SWT1: variants seen among roughly 807,000 people sequenced by gnomAD.
The protein encoded by SWT1 is SWT1 RNA endoribonuclease homolog.
In SWT1, 33 loss-of-function variants were observed where a neutral mutation model predicts 107.3. The observed-to-expected ratio is 0.31, with a 90% confidence interval of 0.23 to 0.41. SWT1 has a LOEUF of 0.41. Ranked by LOEUF, SWT1 falls within the 10% of genes least tolerant of loss-of-function variation. The probability of loss-of-function intolerance (pLI) is 1.00; values close to 1 mark genes in which losing one functional copy is unlikely to be tolerated. For synonymous variants in SWT1, 345 were observed against 348.3 expected (o/e 0.99, Z 0.11); for missense variants, 898 against 1,028.9 (o/e 0.87, Z 1.74).
intron 9 of SWT1, among the ~76,000 whole-genome samples, chr1:185,185,538 A>G (rs1183230584): frequency 1.3e-5 from 2 of 152,146 alleles, no homozygotes; most frequent in Non-Finnish European, 2.9e-5. Flanking sequence ...ATACATATAT[A>G]TTTAGAAGAT....
At chr1:185,163,366 T>TAAGAAGCA (rs555244503) in intron 2 of SWT1, among the ~76,000 whole-genome samples, 76 of 151,428 alleles carry the variant, frequency 5.0e-4, no homozygotes, top group African/African-American at 1.8e-3. Context: ...TGCTCATTTA[T>TAAGAAGCA]AAGAAGCAAC....
At chr1:185,286,581 T>G (rs1215270382) in intron 18 of SWT1, among the ~76,000 whole-genome samples, 1 of 152,174 alleles carries the variant, frequency 6.6e-6, no homozygotes, top group African/African-American at 2.4e-5. Flanking sequence ...TTATTATTTT[T>G]GATGCTATCA....
chr1:185,285,714 G>C lies in SWT1; in HGVS notation c.2574-4960G>C, dbSNP rs555519184. Among the ~76,000 whole-genome samples the C allele has an allele frequency of 2.3e-3, 344 of 152,234 alleles. 2 individuals are homozygous for C. The highest frequency in any genetic ancestry group is 8.0e-3 in the African/African-American group (333 of 41,534). On this transcript the variant is annotated intron_variant, in intron 18 of 18. Transcript: ENST00000367500. ...CCATTTTGAGTTAATTTTTGTATAT[G>C]ATGTAAGGTAAGGGGTCCAGCTTCA...
At chr1:185,178,991 G>A (rs924855961) in intron 5 of SWT1, among the ~76,000 whole-genome samples, 5 of 152,076 alleles carry the variant, frequency 3.3e-5, no homozygotes, top group Admixed American at 2.6e-4. Context: ...GAGTGTTTGT[G>A]TGGGCGCAGT....
intron 10 of SWT1, among the ~76,000 whole-genome samples, chr1:185,196,987 A>G (rs946681236): frequency 9.9e-5 from 15 of 152,064 alleles, no homozygotes; most frequent in Non-Finnish European, 2.2e-4. Context: ...TTCCCGTACT[A>G]TGTTGAATAG....
At chr1:185,206,912 A>G in intron 13 of SWT1, 149 bp downstream of exon 13, 1 of 568,030 alleles carries the variant, frequency 1.8e-6, no homozygotes, top group South Asian at 3.5e-5. Context: ...ATTTGTGGAA[A>G]CTGGATGAAC....
chr1:185,290,111 GCAAAACAAAA>G (rs546638738), intron 18 of SWT1, among the ~76,000 whole-genome samples: 1,577 of 151,328 alleles, frequency 0.01, 13 homozygotes, highest in South Asian at 0.018. Flanking sequence ...AAAAAAAAAA[GCAAAACAAAA>G]CAAAACAAAA....
At chr1:185,287,264 A>AT (rs1665001755) in intron 18 of SWT1, among the ~76,000 whole-genome samples, 1 of 152,194 alleles carries the variant, frequency 6.6e-6, no homozygotes, top group Admixed American at 6.5e-5. Flanking sequence ...ATTTCTAGTT[A>AT]TTTTGACCCG....
At position 185,182,074 on chromosome 1, in the gene SWT1, G is replaced by A; in HGVS notation, c.1138+17G>A. 6.2e-7 allele frequency: 1 copy of A among 1,612,564 alleles called. No homozygotes were observed. The highest frequency in any genetic ancestry group is 8.5e-7 in the Non-Finnish European group (1 of 1,179,070). ...CCTCCTCTGGTATACCCTATATGTT[G>A]ATGTGTATGCTCCCCTATGCTTTCC... On this transcript the variant is annotated intron_variant, in intron 7 of 18. Transcript: ENST00000367500.
chr1:185,173,811 GT>G (rs1655306726), intron 4 of SWT1, among the ~76,000 whole-genome samples: 1 of 152,124 alleles, frequency 6.6e-6, no homozygotes, highest in African/African-American at 2.4e-5. Context: ...GAGCCCAGGA[GT>G]TTGAGACCAG....
intron 16 of SWT1, among the ~76,000 whole-genome samples, chr1:185,245,478 A>G (rs1661541448): frequency 6.6e-6 from 1 of 152,154 alleles, no homozygotes. Context: ...AACTTTTTTA[A>G]TAAGTAGAAG....
At chr1:185,260,144 A>G (rs990917775) in intron 16 of SWT1, among the ~76,000 whole-genome samples, 3 of 152,172 alleles carry the variant, frequency 2.0e-5, no homozygotes, top group South Asian at 2.1e-4. Context: ...GGTGGTACCA[A>G]ATAGATAAGG....
At chr1:185,197,931 A>G (rs1403279292) in intron 10 of SWT1, among the ~76,000 whole-genome samples, 2 of 151,418 alleles carry the variant, frequency 1.3e-5, no homozygotes, top group African/African-American at 2.4e-5. Context: ...TTGTGTCTCT[A>G]TCTCCTTCAG....
chr1:185,191,961 T>C (rs1190938138), intron 10 of SWT1, among the ~76,000 whole-genome samples: 1 of 152,140 alleles, frequency 6.6e-6, no homozygotes, highest in African/African-American at 2.4e-5. Flanking sequence ...CTCTCTCTCT[T>C]TTTTTGGTTG....
intron 15 of SWT1, among the ~76,000 whole-genome samples, chr1:185,225,375 T>G (rs1026145051): frequency 5.3e-5 from 8 of 152,286 alleles, no homozygotes; most frequent in African/African-American, 1.7e-4. Flanking sequence ...GTAGTTTCAT[T>G]TTCTTGCCGT....
At chr1:185,275,114 T>G (rs1430476841) in intron 17 of SWT1, among the ~76,000 whole-genome samples, 1 of 152,198 alleles carries the variant, frequency 6.6e-6, no homozygotes, top group Non-Finnish European at 1.5e-5. Context: ...TTATTTTATA[T>G]TCATATTTAA....
intron 10 of SWT1, among the ~76,000 whole-genome samples, chr1:185,193,467 C>CTTT (rs770162424): frequency 7.2e-6 from 1 of 139,486 alleles, no homozygotes; most frequent in African/African-American, 2.6e-5. Flanking sequence ...TTTTTCTTTT[C>CTTT]TTTTTTTTTT....
chr1:185,261,097 G>A (rs1274780067), intron 16 of SWT1, among the ~76,000 whole-genome samples: 1 of 152,030 alleles, frequency 6.6e-6, no homozygotes, highest in African/African-American at 2.4e-5. Context: ...CTGCTCTTGT[G>A]CTGCTGTCAC....
intron 16 of SWT1, among the ~76,000 whole-genome samples, chr1:185,259,677 A>T (rs1311192758): frequency 6.6e-6 from 1 of 152,044 alleles, no homozygotes; most frequent in African/African-American, 2.4e-5. Context: ...ACCTTAAGCT[A>T]AAGTACTCTC....
Sources: allele counts gnomAD v4.1 joint callset (sites outside exome capture counted in the v4.1 genomes callset), GRCh38; gene constraint gnomAD v4.1.1; transcripts MANE v1.5; gene names NCBI Gene and HGNC (gene_info 2026-07-23, HGNC 2026-07-21).